Variants in ELMO1 observed in about 807,000 individuals in gnomAD.
The protein encoded by ELMO1 is engulfment and cell motility 1, also known as engulfment and cell motility protein 1.
A neutral mutation model predicts 98.9 loss-of-function variants in ELMO1; 26 were observed. The ratio of observed to expected loss-of-function variants is 0.26; its 90% CI spans 0.19 to 0.36. The LOEUF (loss-of-function observed/expected upper bound fraction) is 0.36, where lower values mean the gene tolerates loss of function less well. ELMO1 is among the 10% of genes least tolerant of loss of function. ELMO1 has a pLI of 1.00. For missense variants in ELMO1, 627 were observed against 935.2 expected, an observed-to-expected ratio of 0.67 and a Z score of 4.30; for synonymous variants, 346 against 346.0, an observed-to-expected ratio of 1.00 and a Z score of 0.00.
At position 37,436,697 on chromosome 7, in the gene ELMO1, G is replaced by A. The variant is rs535567230; in HGVS notation, c.-74+11978C>T. 5.1e-4 allele frequency among the ~76,000 whole-genome samples: 77 copies of A among 152,314 alleles called. No homozygotes were observed. In the Middle Eastern group the frequency reaches 0.017, roughly 34 times the overall value. On this transcript the variant is annotated intron_variant, in intron 1 of 21. Coordinates refer to ENST00000310758, the MANE Select transcript of ELMO1 (RefSeq NM_014800.11). ...TGCTGCCTTTCTGAAGAAGCAATAAGTAGAAAAAGCACCCAAACAAACCGG... is the reference window on the plus strand; with the variant it reads ...TGCTGCCTTTCTGAAGAAGCAATAAATAGAAAAAGCACCCAAACAAACCGG...
At chr7:37,413,138 T>G (rs200870560) in intron 1 of ELMO1, among the ~76,000 whole-genome samples, 11 of 145,288 alleles carry the variant, frequency 7.6e-5, no homozygotes, top group Non-Finnish European at 1.2e-4. Context: ...ATTTTTTTTT[T>G]GTTTTTTTTA....
intron 13 of ELMO1, among the ~76,000 whole-genome samples, chr7:37,192,873 G>T (rs1791690836): frequency 7.1e-6 from 1 of 141,348 alleles, no homozygotes; most frequent in African/African-American, 2.6e-5. Context: ...ATACATACAT[G>T]TTTATATATG....
chr7:36,986,872 C>T lies in ELMO1; in HGVS notation c.1437+26427G>A, dbSNP rs141542394. 1.6e-4 allele frequency among the ~76,000 whole-genome samples: 24 copies of T among 152,100 alleles called. No homozygotes were observed. The East Asian group carries it at 3.1e-3, about 20-fold the overall frequency. Reference sequence around the variant, plus strand: ...GGAGGATTTATACTCTAATTCCTACCCAGGATGTAAACAAACATAAACAGC... The same window carrying T: ...GGAGGATTTATACTCTAATTCCTACTCAGGATGTAAACAAACATAAACAGC... On this transcript the variant is annotated intron_variant, in intron 16 of 21. Transcript: ENST00000310758.
chr7:37,017,718 C>A (rs924846779), intron 15 of ELMO1, among the ~76,000 whole-genome samples: 9 of 152,154 alleles, frequency 5.9e-5, no homozygotes, highest in Non-Finnish European at 1.0e-4. Flanking sequence ...GGAGACACCA[C>A]AGCAAATGGA....
At chr7:36,957,803 A>G (rs1246197733) in intron 16 of ELMO1, among the ~76,000 whole-genome samples, 1 of 152,138 alleles carries the variant, frequency 6.6e-6, no homozygotes, top group Non-Finnish European at 1.5e-5. Flanking sequence ...AAGGCTAACC[A>G]CCAACAACCT....
intron 20 of ELMO1, among the ~76,000 whole-genome samples, chr7:36,865,639 T>C (rs1478651343): frequency 6.6e-6 from 1 of 152,248 alleles, no homozygotes; most frequent in Non-Finnish European, 1.5e-5. Flanking sequence ...CCTCATTCTC[T>C]GCCTGGCCAA....
intron 4 of ELMO1, among the ~76,000 whole-genome samples, chr7:37,305,768 G>C (rs555516744): frequency 1.3e-5 from 2 of 152,302 alleles, no homozygotes; most frequent in East Asian, 3.9e-4. Flanking sequence ...AACCACGTGA[G>C]ACACAGAGCT....
chr7:37,033,280 A>G, intron 15 of ELMO1: 1 of 414,628 alleles, frequency 2.4e-6, no homozygotes, highest in South Asian at 1.7e-5. Context: ...CTTCCAGGGG[A>G]TCCTTGTGCA....
chr7:37,000,375 C>G (rs1016526761), intron 16 of ELMO1, among the ~76,000 whole-genome samples: 8 of 152,140 alleles, frequency 5.3e-5, no homozygotes, highest in Non-Finnish European at 1.0e-4. Flanking sequence ...CCATACACCT[C>G]GGATCCAGCC....
chr7:37,155,175 GAAC>G (rs1242508221), intron 13 of ELMO1, among the ~76,000 whole-genome samples: 9 of 152,166 alleles, frequency 5.9e-5, no homozygotes, highest in African/African-American at 9.7e-5. Flanking sequence ...ACATGGATAG[GAAC>G]AACTGATATG....
At chr7:37,086,507 C>G (rs866451627) in intron 15 of ELMO1, among the ~76,000 whole-genome samples, 1 of 151,926 alleles carries the variant, frequency 6.6e-6, no homozygotes, top group Admixed American at 6.6e-5. Flanking sequence ...CTTTGGGAGG[C>G]TGAGTCAGGC....
At chr7:36,859,517 C>T (rs759681152) in intron 21 of ELMO1, among the ~76,000 whole-genome samples, 12 of 152,138 alleles carry the variant, frequency 7.9e-5, no homozygotes, top group African/African-American at 2.7e-4. Context: ...CAGGAATGTG[C>T]GAGCTCAGTG....
At chr7:37,014,504 A>C (rs1793784187) in intron 15 of ELMO1, among the ~76,000 whole-genome samples, 1 of 152,288 alleles carries the variant, frequency 6.6e-6, no homozygotes, top group Non-Finnish European at 1.5e-5. Flanking sequence ...TATATGTAAC[A>C]TGGTGGTTTG....
intron 18 of ELMO1, among the ~76,000 whole-genome samples, chr7:36,886,736 G>A (rs1048324904): frequency 3.9e-5 from 6 of 152,172 alleles, no homozygotes; most frequent in Admixed American, 2.0e-4. Context: ...TGCTTTACTT[G>A]TCCAGGAAAG....
At chr7:37,021,461 G>A (rs1170042298) in intron 15 of ELMO1, among the ~76,000 whole-genome samples, 2 of 152,068 alleles carry the variant, frequency 1.3e-5, no homozygotes, top group African/African-American at 4.8e-5. Flanking sequence ...ATACCGACTA[G>A]TGTTAAGGCT....
intron 14 of ELMO1, among the ~76,000 whole-genome samples, chr7:37,115,543 ACACT>A (rs1260459297): frequency 2.0e-5 from 3 of 151,758 alleles, no homozygotes; most frequent in Admixed American, 6.6e-5. Context: ...ATAAAATCTA[ACACT>A]CATTCATGAT....
chr7:37,322,923 G>A (rs985736872), intron 2 of ELMO1, among the ~76,000 whole-genome samples: 1 of 152,100 alleles, frequency 6.6e-6, no homozygotes, highest in African/African-American at 2.4e-5. Context: ...TTGTTTGGAT[G>A]ATCAAAACTG....
intron 9 of ELMO1, 118 bp from the exon 10 acceptor site, chr7:37,222,811 A>G: frequency 1.2e-6 from 1 of 826,570 alleles, no homozygotes; most frequent in African/African-American, 1.7e-5. Flanking sequence ...AGTGAGAGAG[A>G]AAGGCAGGGC....
rs538168030 is a variant in ELMO1, at chr7:36,987,276, G to A, written c.1437+26023C>T. Among the ~76,000 whole-genome samples, 15 of 152,062 alleles carry A rather than the reference G, an allele frequency of 9.9e-5. No homozygotes were observed. The South Asian group carries it at 3.1e-3, about 32-fold the overall frequency. On this transcript the variant is annotated intron_variant, in intron 16 of 21. Coordinates refer to ENST00000310758, the MANE Select transcript of ELMO1 (RefSeq NM_014800.11). ...AGAATTAATGTCACCAACTCTGAAT[G>A]TGCTGCCATCTCTCTCCTTAGCAGC...
Sources: allele counts gnomAD v4.1 joint callset (sites outside exome capture counted in the v4.1 genomes callset), GRCh38; gene constraint gnomAD v4.1.1; transcripts MANE v1.5; gene names NCBI Gene and HGNC (gene_info 2026-07-23, HGNC 2026-07-21).